Variants in LRMDA observed in about 807,000 individuals in gnomAD.
LRMDA encodes the protein leucine-rich melanocyte differentiation-associated protein.
A neutral mutation model predicts 29.8 loss-of-function variants in LRMDA; 18 were observed. The ratio of observed to expected loss-of-function variants is 0.60; its 90% confidence interval spans 0.42 to 0.90. The LOEUF (loss-of-function observed/expected upper bound fraction) is 0.90. Among genes scored for constraint, LRMDA ranks in the 40% least tolerant of loss-of-function variants. The pLI is 0.00. For synonymous variants in LRMDA, 125 were observed against 109.4 expected, an observed-to-expected ratio of 1.14 and a Z score of -0.89; for missense variants, 273 against 273.9, an observed-to-expected ratio of 1.00 and a Z score of 0.02.
chr10:76,242,581 C>T (rs182334422), intron 5 of LRMDA, among the ~76,000 whole-genome samples: 21 of 152,308 alleles, frequency 1.4e-4, no homozygotes, highest in Non-Finnish European at 1.2e-4. Flanking sequence ...TGTCTCTTCA[C>T]ATGGTGTTCT....
At chr10:75,464,987 T>C (rs572863985) in intron 2 of LRMDA, among the ~76,000 whole-genome samples, 165 of 152,316 alleles carry the variant, frequency 1.1e-3, no homozygotes, top group Middle Eastern at 3.4e-3. Flanking sequence ...ATGGTTCTTT[T>C]TCCAGACTTT....
intron 6 of LRMDA, among the ~76,000 whole-genome samples, chr10:76,335,857 G>A (rs1046856573): frequency 6.6e-6 from 1 of 152,138 alleles, no homozygotes; most frequent in African/African-American, 2.4e-5. Context: ...CAGACTTAAG[G>A]TCTATGTTGA....
chr10:76,207,506 T>C (rs956039128), intron 5 of LRMDA, among the ~76,000 whole-genome samples: 2 of 152,186 alleles, frequency 1.3e-5, no homozygotes, highest in Non-Finnish European at 2.9e-5. Context: ...TTATTTTTGG[T>C]TGGGGGATGG....
intron 2 of LRMDA, among the ~76,000 whole-genome samples, chr10:75,616,249 TAGC>T (rs58265820): frequency 0.012 from 1,749 of 150,366 alleles, 24 homozygotes; most frequent in African/African-American, 0.035. Context: ...GTAGCAGCAG[TAGC>T]AGCAGCAGCA....
chr10:75,548,424 T>C (rs149188378), intron 2 of LRMDA, among the ~76,000 whole-genome samples: 3 of 152,160 alleles, frequency 2.0e-5, no homozygotes, highest in Non-Finnish European at 4.4e-5. Flanking sequence ...TCCTTTCCCA[T>C]GCAACAGTGA....
At chr10:75,999,482 TAC>T (rs528742502) in intron 2 of LRMDA, among the ~76,000 whole-genome samples, 5 of 152,232 alleles carry the variant, frequency 3.3e-5, no homozygotes, top group Admixed American at 6.5e-5. Flanking sequence ...AAATGCCTGG[TAC>T]CCAGATTGAT....
chr10:75,624,674 G>A (rs1221296829), intron 2 of LRMDA, among the ~76,000 whole-genome samples: 12 of 152,138 alleles, frequency 7.9e-5, no homozygotes, highest in Admixed American at 7.9e-4. Context: ...CCAAGCTGGA[G>A]TTGTTTATAA....
At chr10:76,392,739 A>G (rs999220345) in intron 6 of LRMDA, among the ~76,000 whole-genome samples, 6 of 152,086 alleles carry the variant, frequency 3.9e-5, no homozygotes, top group Non-Finnish European at 8.8e-5. Flanking sequence ...AATACAACAT[A>G]TTGTTATAAT....
chr10:76,451,877 G>A (rs184924379), intron 6 of LRMDA, among the ~76,000 whole-genome samples: 45 of 151,510 alleles, frequency 3.0e-4, no homozygotes, highest in African/African-American at 1.0e-3. Context: ...GGCTGGTCTC[G>A]ATCTCCCGAC....
chr10:76,060,125 G>T (rs973654240), intron 5 of LRMDA, among the ~76,000 whole-genome samples: 1 of 152,106 alleles, frequency 6.6e-6, no homozygotes, highest in Non-Finnish European at 1.5e-5. Flanking sequence ...TAGCCAGCAT[G>T]ACCAAACCCA....
intron 5 of LRMDA, among the ~76,000 whole-genome samples, chr10:76,227,739 G>C (rs576811275): frequency 2.0e-5 from 3 of 152,288 alleles, no homozygotes; most frequent in African/African-American, 7.2e-5. Context: ...CTGGCTCTCT[G>C]AGAAAGGGAG....
At chr10:75,571,884 A>G (rs1053761091) in intron 2 of LRMDA, among the ~76,000 whole-genome samples, 4 of 152,108 alleles carry the variant, frequency 2.6e-5, no homozygotes, top group African/African-American at 7.2e-5. Context: ...TCTGATCCAA[A>G]TGATCCCTGT....
intron 2 of LRMDA, among the ~76,000 whole-genome samples, chr10:75,794,943 T>C (rs1843626962): frequency 9.6e-6 from 1 of 104,276 alleles, no homozygotes; most frequent in Non-Finnish European, 2.5e-5. Context: ...TACCTATTTA[T>C]CATTTTTTTT....
At chr10:75,440,503 G>A (rs1844313908) in intron 2 of LRMDA, among the ~76,000 whole-genome samples, 1 of 152,050 alleles carries the variant, frequency 6.6e-6, no homozygotes, top group South Asian at 2.1e-4. Context: ...TTACACTGGA[G>A]TCAGTTGCAG....
intron 2 of LRMDA, among the ~76,000 whole-genome samples, chr10:75,637,955 GACAA>G (rs1172003554): frequency 2.0e-5 from 3 of 152,210 alleles, no homozygotes; most frequent in Non-Finnish European, 4.4e-5. Flanking sequence ...CAGCAGCACT[GACAA>G]ACAGCCAGAG....
chr10:76,208,516 G>A (rs1206693925), intron 5 of LRMDA, among the ~76,000 whole-genome samples: 1 of 152,174 alleles, frequency 6.6e-6, no homozygotes, highest in Non-Finnish European at 1.5e-5. Flanking sequence ...AATTCTACCA[G>A]CAACCTGACT....
At chr10:76,167,655 G>A (rs1005126833) in intron 5 of LRMDA, among the ~76,000 whole-genome samples, 1 of 152,070 alleles carries the variant, frequency 6.6e-6, no homozygotes, top group Non-Finnish European at 1.5e-5. Flanking sequence ...CATTACTGTA[G>A]CCCTGTAGTA....
intron 2 of LRMDA, among the ~76,000 whole-genome samples, chr10:75,654,486 A>G (rs79510018): frequency 0.017 from 2,619 of 152,290 alleles, 90 homozygotes; most frequent in African/African-American, 0.06. Context: ...TTTCAACTCT[A>G]TAATTGGGAA....
At chr10:75,862,266 T>G (rs770530286) in intron 2 of LRMDA, among the ~76,000 whole-genome samples, 3 of 151,676 alleles carry the variant, frequency 2.0e-5, no homozygotes, top group Non-Finnish European at 4.4e-5. Flanking sequence ...ATCTGAGAAG[T>G]TGGTGTTTTT....
Sources: gnomAD v4.1 joint callset for allele counts (sites outside exome capture counted in the v4.1 genomes callset) on GRCh38, gnomAD v4.1.1 for gene constraint, MANE v1.5 for transcripts, NCBI Gene and HGNC (gene_info 2026-07-23, HGNC 2026-07-21) for gene names.